PLCL1: variants seen among roughly 807,000 people sequenced by gnomAD.
PLCL1 encodes the protein inactive phospholipase C-like protein 1.
A neutral mutation model predicts 84.4 loss-of-function variants in PLCL1; 41 were observed. The observed-to-expected ratio is 0.49, with a 90% CI of 0.38 to 0.63. PLCL1 has a LOEUF of 0.63. PLCL1 is among the 30% of genes least tolerant of loss of function. The pLI is 0.00. For synonymous variants in PLCL1, 490 were observed against 488.3 expected (o/e 1.00, Z -0.05); for missense variants, 1,206 against 1,367.8 (o/e 0.88, Z 1.87).
intron 1 of PLCL1, among the ~76,000 whole-genome samples, chr2:197,907,200 A>G (rs1415759056): frequency 3.3e-5 from 5 of 152,190 alleles, no homozygotes; most frequent in Admixed American, 1.3e-4. Context: ...CAATCAGGCA[A>G]GAGAAAGAAA....
chr2:198,069,481 C>A (rs1322316094), intron 1 of PLCL1, among the ~76,000 whole-genome samples: 2 of 152,042 alleles, frequency 1.3e-5, no homozygotes, highest in African/African-American at 4.8e-5. Flanking sequence ...AGAGCAAGAC[C>A]CTGACCAAAA....
chr2:198,054,275 G>A (rs1692010891), intron 1 of PLCL1, among the ~76,000 whole-genome samples: 1 of 152,126 alleles, frequency 6.6e-6, no homozygotes, highest in African/African-American at 2.4e-5. Flanking sequence ...TAGATGATCT[G>A]AACAGAAAAT....
intron 1 of PLCL1, among the ~76,000 whole-genome samples, chr2:197,877,895 A>G (rs1271201960): frequency 1.3e-5 from 2 of 152,118 alleles, no homozygotes; most frequent in Admixed American, 6.6e-5. Context: ...AATGTAGTAA[A>G]TCAAAGCCAT....
intron 1 of PLCL1, among the ~76,000 whole-genome samples, chr2:197,919,942 G>T (rs1192820175): frequency 6.6e-6 from 1 of 152,132 alleles, no homozygotes; most frequent in Non-Finnish European, 1.5e-5. Context: ...TACTAGTTGT[G>T]TGATCTTGGG....
At chr2:198,029,483 T>C (rs1272766902) in intron 1 of PLCL1, among the ~76,000 whole-genome samples, 1 of 152,154 alleles carries the variant, frequency 6.6e-6, no homozygotes, top group Non-Finnish European at 1.5e-5. Flanking sequence ...GGCACTTTTG[T>C]GTATTGTTAT....
At chr2:197,972,572 A>G (rs1385184155) in intron 1 of PLCL1, among the ~76,000 whole-genome samples, 1 of 152,212 alleles carries the variant, frequency 6.6e-6, no homozygotes, top group Admixed American at 6.5e-5. Context: ...TTAAAAATGT[A>G]CAAAATATAA....
intron 1 of PLCL1, among the ~76,000 whole-genome samples, chr2:197,845,243 T>G (rs894700203): frequency 6.6e-6 from 1 of 152,104 alleles, no homozygotes; most frequent in African/African-American, 2.4e-5. Flanking sequence ...AGTCAAAGAT[T>G]CTACAAGTTT....
chr2:198,127,012 G>GTGTGTGTGT (rs144423192), intron 5 of PLCL1, among the ~76,000 whole-genome samples: 12 of 92,854 alleles, frequency 1.3e-4, no homozygotes, highest in African/African-American at 4.4e-4. Flanking sequence ...GTGTGTGTGT[G>GTGTGTGTGT]GGGGGTGGTG....
At chr2:197,915,847 CT>C (rs1399050173) in intron 1 of PLCL1, among the ~76,000 whole-genome samples, 2 of 152,182 alleles carry the variant, frequency 1.3e-5, no homozygotes, top group African/African-American at 4.8e-5. Flanking sequence ...AGGATGATTT[CT>C]TTACCAATGA....
chr2:198,009,202 T>G (rs1359880467), intron 1 of PLCL1, among the ~76,000 whole-genome samples: 1 of 152,040 alleles, frequency 6.6e-6, no homozygotes, highest in African/African-American at 2.4e-5. Flanking sequence ...ATTCCATTTG[T>G]TTATTTTTGA....
At chr2:197,933,926 C>T (rs1375580888) in intron 1 of PLCL1, among the ~76,000 whole-genome samples, 2 of 152,082 alleles carry the variant, frequency 1.3e-5, no homozygotes, top group Non-Finnish European at 2.9e-5. Flanking sequence ...TTAAAATAAA[C>T]TTCCTGAAAG....
rs144474660 is a variant in PLCL1, at chr2:197,925,321, CAGTT to C, written c.240+119985_240+119988del. 6.6e-3 allele frequency among the ~76,000 whole-genome samples: 998 copies of C among 152,184 alleles called. 14 individuals are homozygous for C. Among genetic ancestry groups the C allele is most frequent in the African/African-American group, 0.023 (952 of 41,508 alleles). On this transcript the variant is annotated intron_variant, in intron 1 of 5. Coordinates refer to ENST00000428675, the MANE Select transcript of PLCL1 (RefSeq NM_006226.4). ...TAAAAACTGGTTGGTTAAAAAAAAT[CAGTT>C]AGCTTGAATTTTGAGTGGGGTGTTT...
At chr2:198,042,285 A>G (rs1014028017) in intron 1 of PLCL1, among the ~76,000 whole-genome samples, 1 of 152,168 alleles carries the variant, frequency 6.6e-6, no homozygotes, top group African/African-American at 2.4e-5. Flanking sequence ...ACAGCTGTCT[A>G]CCTCTGGACT....
At chr2:198,142,139 G>C (rs866107755) in intron 5 of PLCL1, among the ~76,000 whole-genome samples, 1 of 152,058 alleles carries the variant, frequency 6.6e-6, no homozygotes, top group Admixed American at 6.6e-5. Context: ...TTCATTGGTG[G>C]GGGGAGGACT....
At chr2:197,933,541 T>C (rs956913224) in intron 1 of PLCL1, among the ~76,000 whole-genome samples, 1 of 152,210 alleles carries the variant, frequency 6.6e-6, no homozygotes, top group Non-Finnish European at 1.5e-5. Context: ...GATTAATAGA[T>C]TAATTGCAAA....
chr2:197,938,102 A>G (rs939112955), intron 1 of PLCL1, among the ~76,000 whole-genome samples: 1 of 152,180 alleles, frequency 6.6e-6, no homozygotes, highest in Non-Finnish European at 1.5e-5. Context: ...AAATTTCTTA[A>G]TCTTCCCCTA....
At chr2:198,008,643 G>A (rs1039966669) in intron 1 of PLCL1, among the ~76,000 whole-genome samples, 1 of 151,536 alleles carries the variant, frequency 6.6e-6, no homozygotes, top group Non-Finnish European at 1.5e-5. Context: ...CTTGGCTATT[G>A]AGAATAATGC....
chr2:197,976,351 A>C (rs1689981183), intron 1 of PLCL1, among the ~76,000 whole-genome samples: 2 of 152,144 alleles, frequency 1.3e-5, no homozygotes, highest in Admixed American at 1.3e-4. Context: ...CTATCATCTC[A>C]TGGAAACTGC....
intron 1 of PLCL1, among the ~76,000 whole-genome samples, chr2:198,010,465 G>T (rs571343371): frequency 6.6e-6 from 1 of 151,760 alleles, no homozygotes; most frequent in Non-Finnish European, 1.5e-5. Flanking sequence ...TTATTACATT[G>T]GTTAATTTTT....
Sources: gnomAD v4.1 joint callset for allele counts (sites outside exome capture counted in the v4.1 genomes callset) on GRCh38, gnomAD v4.1.1 for gene constraint, MANE v1.5 for transcripts, NCBI Gene and HGNC (gene_info 2026-07-23, HGNC 2026-07-21) for gene names.